Variants in ACSS2 observed in about 807,000 individuals in gnomAD.
The protein encoded by ACSS2 is acetyl-coenzyme A synthetase, cytoplasmic.
ACSS2 carries 58 observed loss-of-function variants against 90.6 expected under a neutral mutation model. The ratio of observed to expected loss-of-function variants is 0.64; its 90% CI spans 0.52 to 0.80. The LOEUF is 0.80. ACSS2 is among the 30% of genes least tolerant of loss of function. The probability of loss-of-function intolerance (pLI) is 0.00; values close to 1 mark genes in which losing one functional copy is unlikely to be tolerated. For missense variants in ACSS2, 759 were observed against 912.0 expected, an observed-to-expected ratio of 0.83 and a Z score of 2.16; for synonymous variants, 300 against 330.9, an observed-to-expected ratio of 0.91 and a Z score of 1.01.
Position 34,882,781 on chromosome 20 carries a change from A to T in ACSS2, c.179-13A>T. 1 of 1,611,146 alleles carries T rather than the reference A, an allele frequency of 6.2e-7. No individual in the cohort carries two copies. The stretch of plus-strand genomic sequence containing the variant: ...GAAGATTAATGATATCTGGGCTTCC[A>T]TTTCTGTTGCAGAATTCTGGGGAGA... On this transcript the variant is annotated splice_polypyrimidine_tract_variant and intron_variant, in intron 1 of 17. Coordinates refer to ENST00000360596, the MANE Select transcript of ACSS2 (RefSeq NM_018677.4).
intron 9 of ACSS2, 112 bp from the exon 10 acceptor site, chr20:34,920,894 G>C: frequency 6.5e-7 from 1 of 1,537,044 alleles, no homozygotes. Flanking sequence ...TGGCCAGGGA[G>C]TGAAGATATG....
Position 34,913,493 on chromosome 20 carries a change from T to C in ACSS2, c.567T>C (p.Ile189=). Residue 189 remains isoleucine (I), a synonymous_variant, in exon 4 of 18, where the codon ATT becomes ATC. Transcript: ENST00000360596. ...ACARIGALHS[I]VFAGFSSESL... is the part of the protein sequence containing the mutation. ...CCCGCATTGGGGCTTTGCACTCCAT[T>C]GTGGTAGGAGTTTGGGCTGGTGAAA... 1 of 1,611,154 alleles carries C rather than the reference T, an allele frequency of 6.2e-7. No individual in the cohort carries two copies. Among genetic ancestry groups the C allele is most frequent in the Non-Finnish European group, 8.5e-7 (1 of 1,178,732 alleles).
intron 2 of ACSS2, among the ~76,000 whole-genome samples, chr20:34,901,308 C>G (rs747287566): frequency 1.3e-5 from 2 of 152,084 alleles, no homozygotes; most frequent in Non-Finnish European, 2.9e-5. Context: ...GTTGTCCAGT[C>G]TAGTCTCTAA....
At chr20:34,890,972 C>T (rs972216040) in intron 2 of ACSS2, among the ~76,000 whole-genome samples, 2 of 147,718 alleles carry the variant, frequency 1.4e-5, no homozygotes, top group Non-Finnish European at 3.0e-5. Context: ...AAAGTCCCTA[C>T]CTCCCCATGT....
intron 2 of ACSS2, among the ~76,000 whole-genome samples, chr20:34,911,962 C>T (rs1304571097): frequency 2.6e-5 from 4 of 152,006 alleles, no homozygotes; most frequent in East Asian, 1.9e-4. Context: ...GGATTACAGG[C>T]GTGTGCCACC....
intron 2 of ACSS2, among the ~76,000 whole-genome samples, chr20:34,901,729 T>C (rs1156815559): frequency 6.6e-6 from 1 of 152,216 alleles, no homozygotes; most frequent in Non-Finnish European, 1.5e-5. Context: ...ATGAATTATA[T>C]GGGGAGCTTA....
intron 14 of ACSS2, among the ~76,000 whole-genome samples, chr20:34,924,373 A>G (rs1027941292): frequency 7.2e-5 from 11 of 152,332 alleles, no homozygotes; most frequent in African/African-American, 2.2e-4. Context: ...ACAGGGTAGC[A>G]TGATAGTGTG....
intron 2 of ACSS2, among the ~76,000 whole-genome samples, chr20:34,911,363 T>C (rs982072631): frequency 1.3e-5 from 2 of 151,826 alleles, no homozygotes; most frequent in Non-Finnish European, 2.9e-5. Flanking sequence ...GATTTTTGTA[T>C]TTTTAGTAGA....
chr20:34,913,316 G>A (rs767072404), intron 3 of ACSS2, 77 bp from the exon 4 acceptor site: 28 of 1,542,090 alleles, frequency 1.8e-5, no homozygotes, highest in Non-Finnish European at 2.5e-5. Context: ...TCAGCTGGGA[G>A]GGAGGCCAGC....
intron 2 of ACSS2, among the ~76,000 whole-genome samples, chr20:34,902,386 A>G (rs764543023): frequency 1.3e-5 from 2 of 152,220 alleles, no homozygotes; most frequent in African/African-American, 2.4e-5. Context: ...TGTGAAGAAA[A>G]TAAGCAGTGT....
chr20:34,916,134 G>T (rs1222369902), intron 7 of ACSS2, among the ~76,000 whole-genome samples: 1 of 152,104 alleles, frequency 6.6e-6, no homozygotes, highest in African/African-American at 2.4e-5. Flanking sequence ...TCATTAGCAT[G>T]GCGGAGACAG....
chr20:34,914,626 G>A (rs2081040800), intron 7 of ACSS2, among the ~76,000 whole-genome samples, 189 bp downstream of exon 7: 1 of 152,174 alleles, frequency 6.6e-6, no homozygotes, highest in South Asian at 2.1e-4. Context: ...GGGTAGAGAG[G>A]CCCTTGTACC....
Position 34,899,287 on chromosome 20 carries a change from C to T in ACSS2, c.375-13809C>T, listed in dbSNP as rs564584593. Among the ~76,000 whole-genome samples the T allele has an allele frequency of 4.0e-3, 604 of 152,354 alleles. 2 individuals carry two copies. Among genetic ancestry groups the T allele is most frequent in the African/African-American group, 0.014 (570 of 41,588 alleles). On this transcript the variant is annotated intron_variant, in intron 2 of 17. Coordinates refer to ENST00000360596, the MANE Select transcript of ACSS2 (RefSeq NM_018677.4). ...GTGGGCTGAAGGGCTCCTCAAGTGC[C>T]GCCAAAGTGGGAGCCCAGGCAGAGG...
At chr20:34,920,864 G>A in intron 9 of ACSS2, 142 bp from the exon 10 acceptor site, 1 of 1,488,442 alleles carries the variant, frequency 6.7e-7, no homozygotes, top group Non-Finnish European at 9.2e-7. Context: ...ATCCTGACTA[G>A]GATGGTATCT....
intron 13 of ACSS2, 55 bp from the exon 14 acceptor site, chr20:34,923,267 AT>A: frequency 8.0e-7 from 1 of 1,250,114 alleles, no homozygotes; most frequent in Non-Finnish European, 1.2e-6. Flanking sequence ...AGCTGTAATT[AT>A]CTTCCAGTGA....
chr20:34,894,349 G>T (rs2080411136), intron 2 of ACSS2, among the ~76,000 whole-genome samples: 1 of 152,054 alleles, frequency 6.6e-6, no homozygotes, highest in Admixed American at 6.6e-5. Flanking sequence ...ATTAGGCCAG[G>T]CGTGGTGGCT....
At chr20:34,878,161 C>T (rs2079975013) in intron 1 of ACSS2, among the ~76,000 whole-genome samples, 1 of 152,168 alleles carries the variant, frequency 6.6e-6, no homozygotes, top group Non-Finnish European at 1.5e-5. Flanking sequence ...TCTTGAACTC[C>T]TGGCCTCAGG....
intron 2 of ACSS2, among the ~76,000 whole-genome samples, chr20:34,889,023 G>A (rs1258868963): frequency 1.1e-5 from 1 of 88,338 alleles, no homozygotes; most frequent in African/African-American, 4.0e-5. Context: ...TTTTTTTTTT[G>A]AGACAGAGTC....
chr20:34,926,071 ATC>A, intron 15 of ACSS2, 32 bp from the exon 16 acceptor site: 1 of 1,609,768 alleles, frequency 6.2e-7, no homozygotes, highest in East Asian at 2.2e-5. Context: ...AGAGCCTGGG[ATC>A]TCTCTCATGG....
Sources: allele counts gnomAD v4.1 joint callset (sites outside exome capture counted in the v4.1 genomes callset), GRCh38; gene constraint gnomAD v4.1.1; transcripts MANE v1.5; gene names NCBI Gene and HGNC (gene_info 2026-07-23, HGNC 2026-07-21).